The following ROS1 variants were observed in gnomAD, a reference collection of about 807,000 sequenced individuals.
The protein encoded by ROS1 is ROS proto-oncogene 1, receptor tyrosine kinase.
ROS1 carries 263 observed loss-of-function variants against 273.5 expected under a neutral mutation model. The ratio of observed to expected loss-of-function variants is 0.96; its 90% CI spans 0.87 to 1.06. The LOEUF is 1.06. ROS1 is among the 50% of genes least tolerant of loss of function. ROS1 has a pLI of 0.00. For synonymous variants in ROS1, 1,008 were observed against 954.1 expected, an observed-to-expected ratio of 1.06 and a Z score of -1.04; for missense variants, 2,833 against 2,751.1, an observed-to-expected ratio of 1.03 and a Z score of -0.67.
intron 4 of ROS1, among the ~76,000 whole-genome samples, chr6:117,409,949 G>T (rs1036675552): frequency 6.6e-6 from 1 of 152,064 alleles, no homozygotes; most frequent in Non-Finnish European, 1.5e-5. Context: ...TTCCTGAAAT[G>T]ATCCTTACTT....
intron 42 of ROS1, among the ~76,000 whole-genome samples, chr6:117,308,312 T>A (rs1775264655): frequency 6.6e-6 from 1 of 152,180 alleles, no homozygotes; most frequent in Non-Finnish European, 1.5e-5. Context: ...ACAACCTGTA[T>A]AATTTTTAGT....
chr6:117,350,150 T>TAAATGTTC (rs1778704750), intron 27 of ROS1, among the ~76,000 whole-genome samples: 1 of 152,088 alleles, frequency 6.6e-6, no homozygotes, highest in African/African-American at 2.4e-5. Flanking sequence ...AAAGAACTTC[T>TAAATGTTC]TTTAACATTT....
chr6:117,393,073 G>T, intron 12 of ROS1, 151 bp downstream of exon 12: 1 of 686,868 alleles, frequency 1.5e-6, no homozygotes, highest in Non-Finnish European at 2.6e-6. Flanking sequence ...TCTACAGAAT[G>T]AAAACTTTGC....
At chr6:117,396,513 C>T (rs549892050) in intron 8 of ROS1, among the ~76,000 whole-genome samples, 3 of 152,024 alleles carry the variant, frequency 2.0e-5, no homozygotes, top group Non-Finnish European at 4.4e-5. Context: ...CATTCTTCTC[C>T]GAATTTAAAG....
In ROS1 at chr6:117,341,503, A is replaced by G. The variant is rs1436107648; in HGVS notation, c.4781T>C (p.Leu1594Pro). 1.2e-6 allele frequency: 2 copies of G among 1,613,858 alleles called. No homozygotes were observed. Among genetic ancestry groups the G allele is most frequent in the Admixed American group, 3.3e-5 (2 of 59,992 alleles). The change falls in exon 30 of 44, where the codon CTG becomes CCG. Residue 1594 changes from leucine to proline, a missense_variant. Physicochemically the swap from Leu to Pro is moderately conservative, Grantham distance 98. Coordinates refer to ENST00000368507, the MANE Select transcript of ROS1 (RefSeq NM_001378902.1). ...SVRYQLAISH[L>P]ALIPETPLRQ... is the part of the protein sequence containing the mutation. ...TAGAGGAGTTTCAGGAATTAGGGCC[A>G]GGTGTGAGATTGCCAACTGATAACG... is the stretch of plus-strand genomic sequence containing the variant.
chr6:117,357,800 A>G lies in ROS1; in HGVS notation c.3839+4T>C, dbSNP rs754019227. ...AATATAAAAAAATACTTGCATTTAC[A>G]TACCTTAAAAGAGGATATACAGAAA... is the stretch of plus-strand genomic sequence containing the variant. On this transcript the variant is annotated splice_donor_region_variant and intron_variant, in intron 25 of 43. Transcript: ENST00000368507. 2.6e-5 allele frequency: 41 copies of G among 1,560,408 alleles called. No homozygotes were observed. The highest frequency in any genetic ancestry group is 3.3e-5 in the Non-Finnish European group (38 of 1,134,908).
At chr6:117,349,786 T>C (rs1246654723) in intron 27 of ROS1, among the ~76,000 whole-genome samples, 1 of 152,034 alleles carries the variant, frequency 6.6e-6, no homozygotes, top group Non-Finnish European at 1.5e-5. Context: ...TTGCAATGTA[T>C]ATTTACAACT....
intron 2 of ROS1, among the ~76,000 whole-genome samples, chr6:117,418,073 C>T (rs916938783): frequency 1.5e-4 from 23 of 152,100 alleles, no homozygotes; most frequent in African/African-American, 5.6e-4. Context: ...CATGCTTATA[C>T]CTTAAGTCAC....
chr6:117,306,348 C>G (rs1775101263), intron 42 of ROS1, among the ~76,000 whole-genome samples: 1 of 152,078 alleles, frequency 6.6e-6, no homozygotes, highest in Non-Finnish European at 1.5e-5. Context: ...GCCTCCCACA[C>G]CTGAGGGACT....
chr6:117,385,596 T>TAA, intron 16 of ROS1, 87 bp downstream of exon 16: 1 of 1,159,480 alleles, frequency 8.6e-7, no homozygotes, highest in Non-Finnish European at 1.2e-6. Flanking sequence ...GCACAGGTAT[T>TAA]TAAAAAAAAA....
chr6:117,416,906 C>G (rs570087686), intron 2 of ROS1, among the ~76,000 whole-genome samples: 3 of 152,294 alleles, frequency 2.0e-5, no homozygotes, highest in African/African-American at 7.2e-5. Context: ...ACCATTCCCT[C>G]CACAGGCCAC....
At chr6:117,403,423 A>G (rs987078121) in intron 6 of ROS1, 146 bp from the exon 7 acceptor site, 8 of 789,796 alleles carry the variant, frequency 1.0e-5, no homozygotes. Context: ...AGCCATTCAG[A>G]TATCAGCGTG....
intron 33 of ROS1, among the ~76,000 whole-genome samples, chr6:117,327,148 A>C (rs1397032185): frequency 6.6e-6 from 1 of 152,170 alleles, no homozygotes; most frequent in Non-Finnish European, 1.5e-5. Flanking sequence ...CGGTAAGCTT[A>C]GGGATATGTG....
At chr6:117,334,253 A>G (rs527782503) in intron 32 of ROS1, among the ~76,000 whole-genome samples, 56 of 152,288 alleles carry the variant, frequency 3.7e-4, no homozygotes, top group Non-Finnish European at 7.2e-4. Flanking sequence ...CAATAGCTAC[A>G]AAGAGAATAA....
intron 28 of ROS1, among the ~76,000 whole-genome samples, chr6:117,343,397 CA>C (rs1011841178): frequency 1.3e-5 from 2 of 152,044 alleles, no homozygotes; most frequent in African/African-American, 4.8e-5. Context: ...AAGCCAAGCA[CA>C]AAGCAAAATA....
chr6:117,341,683 A>C, intron 29 of ROS1, 51 bp from the exon 30 acceptor site: 1 of 1,393,190 alleles, frequency 7.2e-7, no homozygotes, highest in Non-Finnish European at 1.0e-6. Context: ...GCACTGAAAG[A>C]TGGAAAGAAG....
At position 117,356,692 on chromosome 6, in the gene ROS1, T is replaced by C; in HGVS notation, c.4063A>G (p.Ile1355Val). 1 of 1,614,166 alleles carries C rather than the reference T, an allele frequency of 6.2e-7. No homozygotes were observed. Among genetic ancestry groups the C allele is most frequent in the South Asian group, 1.1e-5 (1 of 91,080 alleles). ...CAGCCTTCCAGATCCATTGCCCAGA[T>C]CTCTTGTGCTTTGGCAAAGTATATC... is the stretch of plus-strand genomic sequence containing the variant. ...PLIYFAKAQEIWAMDLEGCQC... is the reference protein window; with the variant it reads ...PLIYFAKAQEVWAMDLEGCQC... The change falls in exon 26 of 44, where the codon ATC (isoleucine) becomes GTC (valine). Residue 1355 changes from isoleucine (I) to valine (V), a missense_variant. Physicochemically the swap from Ile to Val is conservative, Grantham distance 29. Coordinates refer to ENST00000368507, the MANE Select transcript of ROS1 (RefSeq NM_001378902.1).
intron 16 of ROS1, 52 bp from the exon 17 acceptor site, chr6:117,383,560 T>C: frequency 7.8e-7 from 1 of 1,290,094 alleles, no homozygotes; most frequent in South Asian, 1.2e-5. Context: ...GACATTATTA[T>C]TTCTGAATAT....
chr6:117,318,519 T>G (rs556365358), intron 37 of ROS1, among the ~76,000 whole-genome samples: 1 of 152,184 alleles, frequency 6.6e-6, no homozygotes, highest in East Asian at 1.9e-4. Flanking sequence ...CAAGTTTTGT[T>G]GTTTAGGCCA....
Sources: gnomAD v4.1 joint callset for allele counts (sites outside exome capture counted in the v4.1 genomes callset) on GRCh38, gnomAD v4.1.1 for gene constraint, MANE v1.5 for transcripts, NCBI Gene and HGNC (gene_info 2026-07-23, HGNC 2026-07-21) for gene names.